The following FTCD variants were observed in gnomAD, a reference collection of about 807,000 sequenced individuals.
FTCD encodes formimidoyltransferase cyclodeaminase, also known as formimidoyltransferase-cyclodeaminase.
Under a neutral mutation model 62.9 loss-of-function variants are expected in FTCD, and 76 were observed. The ratio of observed to expected loss-of-function variants is 1.21; its 90% CI spans 1.00 to 1.46. FTCD has a LOEUF of 1.46. Ranked by LOEUF, FTCD falls within the 40% of genes most tolerant of loss-of-function variation. The pLI is 0.00. For synonymous variants in FTCD, 397 were observed against 336.9 expected (o/e 1.18, Z -1.95); for missense variants, 845 against 751.3 (o/e 1.12, Z -1.46).
chr21:46,137,465 C>T, intron 12 of FTCD, 131 bp from the exon 13 acceptor site: 1 of 751,590 alleles, frequency 1.3e-6, no homozygotes, highest in Non-Finnish European at 2.4e-6. Context: ...AGCGCAGCCC[C>T]CGCTTTCGCC....
At chr21:46,138,776 GC>G in intron 11 of FTCD, 103 bp downstream of exon 11, 1 of 1,434,040 alleles carries the variant, frequency 7.0e-7, no homozygotes, top group Non-Finnish European at 9.8e-7. Context: ...CACCCAGCAC[GC>G]CCAGGCCAAC....
chr21:46,149,044 T>C (rs1053018445), intron 7 of FTCD, among the ~76,000 whole-genome samples: 6 of 151,950 alleles, frequency 3.9e-5, no homozygotes, highest in Non-Finnish European at 7.4e-5. Context: ...TTTTAAATAG[T>C]CCGGAAAAAA....
chr21:46,146,547 G>A, intron 7 of FTCD: 2 of 594,076 alleles, frequency 3.4e-6, no homozygotes, highest in Non-Finnish European at 6.0e-6. Context: ...CAGGCTTCTG[G>A]AAACAGCCAT....
chr21:46,138,334 G>A (rs1456717790), intron 12 of FTCD, among the ~76,000 whole-genome samples, 174 bp downstream of exon 12: 3 of 152,198 alleles, frequency 2.0e-5, no homozygotes, highest in African/African-American at 7.2e-5. Flanking sequence ...GATCTTAGAA[G>A]GCAGCGGACA....
At position 46,150,377 on chromosome 21, in the gene FTCD, C is replaced by T; in HGVS notation, c.774+11G>A. On this transcript the variant is annotated intron_variant, in intron 6 of 13. Transcript: ENST00000397746. ...GCCCCTCACAGCAGCAGCGGCTGCT[C>T]CCGGGCTCACCTGTGCTTCTCGGCA... 2.5e-6 allele frequency: 4 copies of T among 1,612,696 alleles called. No individual in the cohort carries two copies. Among genetic ancestry groups the T allele is most frequent in the Non-Finnish European group, 3.4e-6 (4 of 1,179,894 alleles).
intron 10 of FTCD, among the ~76,000 whole-genome samples, chr21:46,144,843 C>G (rs369380169): frequency 6.7e-6 from 1 of 149,770 alleles, no homozygotes; most frequent in African/African-American, 2.5e-5. Flanking sequence ...GGCCCCTGCC[C>G]TAGGCTCTGA....
chr21:46,151,197 C>T (rs919047979), intron 5 of FTCD, among the ~76,000 whole-genome samples: 4 of 152,210 alleles, frequency 2.6e-5, no homozygotes, highest in African/African-American at 4.8e-5. Context: ...GTAGGGGTGT[C>T]GGGGCTCCCA....
rs1568959372 is a variant in FTCD, at chr21:46,138,498, G to T, written c.1443+10C>A. 2 of 1,578,978 alleles carry T rather than the reference G, an allele frequency of 1.3e-6. No individual in the cohort carries two copies. Among genetic ancestry groups the T allele is most frequent in the Non-Finnish European group, 1.7e-6 (2 of 1,169,686 alleles). On this transcript the variant is annotated intron_variant, in intron 12 of 13. Transcript: ENST00000397746. ...CGGCAGGAGGCCTGGGGTCCCCCGG[G>T]CCCCCCTACCTGGAGGTCTGACCGG...
chr21:46,144,944 G>A (rs1013691043), intron 10 of FTCD, among the ~76,000 whole-genome samples: 2 of 151,666 alleles, frequency 1.3e-5, no homozygotes, highest in Non-Finnish European at 2.9e-5. Flanking sequence ...GCCTGCCTGA[G>A]TGGGTGTTAT....
rs376572763 is a variant in FTCD at position 46,138,588 on chromosome 21, C to T, written c.1363G>A (p.Ala455Thr). 9.4e-5 allele frequency: 149 copies of T among 1,590,022 alleles called. No individual in the cohort carries two copies. Among genetic ancestry groups the T allele is most frequent in the Non-Finnish European group, 1.2e-4 (143 of 1,175,318 alleles). The change falls in exon 12 of 14, where the codon GCG becomes ACG. Residue 455 changes from alanine (A) to threonine (T), a missense_variant. Ala to Thr is a moderately conservative substitution (Grantham distance 58). Coordinates refer to ENST00000397746, the MANE Select transcript of FTCD (RefSeq NM_206965.2). ...RRAVSVPLTL[A>T]ETVASLWPAL... ...GGCCACAGCGAGGCCACCGTCTCCGCCAGCGTCAGCGGCACAGAGACTGCC... is the reference window on the plus strand; with the variant it reads ...GGCCACAGCGAGGCCACCGTCTCCGTCAGCGTCAGCGGCACAGAGACTGCC...
At chr21:46,137,187 TG>T in intron 13 of FTCD, 51 bp downstream of exon 13, 1 of 1,582,672 alleles carries the variant, frequency 6.3e-7, no homozygotes, top group Non-Finnish European at 8.7e-7. Context: ...CCTGAGGCTG[TG>T]AATCCAGGCC....
intron 5 of FTCD, 138 bp from the exon 6 acceptor site, chr21:46,150,663 C>A: frequency 3.3e-6 from 3 of 908,288 alleles, no homozygotes; most frequent in South Asian, 2.7e-5. Context: ...TCTCCTCCGT[C>A]CCTCACTGAG....
chr21:46,136,268 G>A (rs1048226088), downstream of FTCD: 3 of 596,242 alleles, frequency 5.0e-6, no homozygotes, highest in Non-Finnish European at 6.0e-6. Context: ...ATAGTGATTT[G>A]CTAAATTATT....
intron 13 of FTCD, 55 bp from the exon 14 acceptor site, chr21:46,137,128 C>T: frequency 6.2e-7 from 1 of 1,609,984 alleles, no homozygotes; most frequent in Non-Finnish European, 8.5e-7. Context: ...GCCCAGCTTG[C>T]TGGGCAGCAA....
chr21:46,142,369 T>A (rs2079033404), intron 10 of FTCD: 1 of 145,766 alleles, frequency 6.9e-6, no homozygotes, highest in South Asian at 2.2e-4. Context: ...AGGTGGCGCG[T>A]CGGGAGCTGT....
At chr21:46,144,181 T>G (rs1375028931) in intron 10 of FTCD, among the ~76,000 whole-genome samples, 1 of 151,768 alleles carries the variant, frequency 6.6e-6, no homozygotes, top group African/African-American at 2.4e-5. Flanking sequence ...TTGCTTTGTA[T>G]CCAATAAATA....
intron 12 of FTCD, among the ~76,000 whole-genome samples, chr21:46,137,552 G>A (rs2078898773): frequency 6.6e-6 from 1 of 152,156 alleles, no homozygotes. Flanking sequence ...AGCCCCACAG[G>A]AGGCCTGGGA....
intron 3 of FTCD, 123 bp downstream of exon 3, chr21:46,152,784 T>TG (rs1568984695): frequency 9.4e-6 from 8 of 848,818 alleles, no homozygotes; most frequent in Non-Finnish European, 1.4e-5. Context: ...GCATGTTGGC[T>TG]TTTTGGAACA....
intron 9 of FTCD, 64 bp from the exon 10 acceptor site, chr21:46,145,642 G>A: frequency 7.7e-7 from 1 of 1,299,706 alleles, no homozygotes; most frequent in Non-Finnish European, 1.0e-6. Flanking sequence ...ACCCCAGGAA[G>A]AGCCAGGGGC....
Sources: allele counts gnomAD v4.1 joint callset (sites outside exome capture counted in the v4.1 genomes callset), GRCh38; gene constraint gnomAD v4.1.1; transcripts MANE v1.5; gene names NCBI Gene and HGNC (gene_info 2026-07-23, HGNC 2026-07-21).